The following STIM1 variants were observed in gnomAD, a reference collection of about 807,000 sequenced individuals.
The protein encoded by STIM1 is stromal interaction molecule 1.
In STIM1, 25 loss-of-function variants were observed where a neutral mutation model predicts 74.7. The ratio of observed to expected loss-of-function variants is 0.33; its 90% confidence interval spans 0.24 to 0.47. STIM1 has a LOEUF of 0.47. Among genes scored for constraint, STIM1 ranks in the 20% least tolerant of loss-of-function variants. The pLI is 1.00. For synonymous variants in STIM1, 328 were observed against 348.8 expected, an observed-to-expected ratio of 0.94 and a Z score of 0.66; for missense variants, 728 against 920.8, an observed-to-expected ratio of 0.79 and a Z score of 2.71.
chr11:3,966,285 T>A (rs1248990096), intron 1 of STIM1, among the ~76,000 whole-genome samples: 2 of 152,192 alleles, frequency 1.3e-5, no homozygotes, highest in African/African-American at 4.8e-5. Context: ...TTCTATTGAA[T>A]CACATCTGGA....
At chr11:4,081,866 TC>T (rs1465299052) in intron 7 of STIM1, among the ~76,000 whole-genome samples, 1 of 152,196 alleles carries the variant, frequency 6.6e-6, no homozygotes, top group Non-Finnish European at 1.5e-5. Flanking sequence ...GCTGACCTGT[TC>T]CTGAAGAGAT....
intron 5 of STIM1, among the ~76,000 whole-genome samples, chr11:4,064,101 A>G (rs2094349932): frequency 6.6e-6 from 1 of 152,190 alleles, no homozygotes; most frequent in African/African-American, 2.4e-5. Flanking sequence ...ATTCTGATAG[A>G]GCTGGGTATA....
chr11:3,892,935 T>C (rs1015735984), intron 1 of STIM1: 2 of 1,126,208 alleles, frequency 1.8e-6, no homozygotes, highest in African/African-American at 3.1e-5. Flanking sequence ...GCAAAGACTT[T>C]TATGTTTTAT....
In STIM1 at chr11:4,091,634, G is replaced by A. The variant is rs369549218; in HGVS notation, c.1987G>A (p.Asp663Asn). Residue 663 changes from aspartate to asparagine, a missense_variant, in exon 13 of 13, where the codon GAC (aspartate) becomes AAC (asparagine). Coordinates refer to ENST00000526596, the MANE Select transcript of STIM1 (RefSeq NM_001382567.1). ...PDPDTPSPVG[D>N]SRALQASRNT... ...CCCAGACACACCATCTCCAGTTGGG[G>A]ACAGCCGAGCCCTGCAAGCCAGCCG... 5.6e-5 allele frequency: 91 copies of A among 1,614,086 alleles called. No homozygotes were observed. Among genetic ancestry groups the A allele is most frequent in the Non-Finnish European group, 6.9e-5 (81 of 1,180,038 alleles).
intron 2 of STIM1, among the ~76,000 whole-genome samples, chr11:4,011,657 C>T (rs529056017): frequency 5.0e-4 from 76 of 152,230 alleles, no homozygotes; most frequent in Non-Finnish European, 8.1e-4. Context: ...CAAAAATTTT[C>T]TCCCATTCTA....
intron 1 of STIM1, among the ~76,000 whole-genome samples, chr11:3,872,292 A>G (rs1050983322): frequency 2.6e-5 from 4 of 151,858 alleles, no homozygotes; most frequent in African/African-American, 9.7e-5. Flanking sequence ...ACCTCAGGTG[A>G]TCTGCCCGCC....
At chr11:3,925,372 C>T (rs549849436) in intron 1 of STIM1, among the ~76,000 whole-genome samples, 7 of 152,240 alleles carry the variant, frequency 4.6e-5, no homozygotes, top group South Asian at 2.1e-4. Context: ...TCCAGCCTGG[C>T]GACAGAGTGA....
chr11:4,082,808 T>C (rs751034634), intron 8 of STIM1, 74 bp from the exon 9 acceptor site: 4 of 1,256,510 alleles, frequency 3.2e-6, no homozygotes, highest in African/African-American at 1.5e-5. Flanking sequence ...GCCCCAGCCA[T>C]AGGGGAAGGC....
chr11:3,881,951 T>C (rs7118328), intron 1 of STIM1, among the ~76,000 whole-genome samples: 137,090 of 151,856 alleles, frequency 0.9, 62,140 homozygotes, highest in East Asian at 0.95. Context: ...GGATTACAGA[T>C]GTGAGCCACG....
At chr11:3,920,134 T>G (rs2092699808) in intron 1 of STIM1, among the ~76,000 whole-genome samples, 1 of 152,132 alleles carries the variant, frequency 6.6e-6, no homozygotes, top group Admixed American at 6.6e-5. Flanking sequence ...TACAATTTTT[T>G]TTTTTTGGTA....
At chr11:3,931,851 T>C (rs1287231715) in intron 1 of STIM1, among the ~76,000 whole-genome samples, 2 of 152,172 alleles carry the variant, frequency 1.3e-5, no homozygotes, top group Non-Finnish European at 2.9e-5. Context: ...GTTCCTTTTC[T>C]ATAAGTAATA....
intron 1 of STIM1, among the ~76,000 whole-genome samples, chr11:3,954,008 C>A (rs577067297): frequency 1.3e-5 from 2 of 152,172 alleles, no homozygotes; most frequent in African/African-American, 2.4e-5. Flanking sequence ...GTCTTGAACT[C>A]CCAGGCTCAG....
At chr11:4,001,272 GA>G (rs1337373565) in intron 2 of STIM1, among the ~76,000 whole-genome samples, 14 of 151,450 alleles carry the variant, frequency 9.2e-5, no homozygotes, top group Admixed American at 9.2e-4. Flanking sequence ...GCAACTCCAA[GA>G]CACATAATTG....
At chr11:4,030,326 C>CAAAAA (rs35716064) in intron 3 of STIM1, among the ~76,000 whole-genome samples, 8 of 122,870 alleles carry the variant, frequency 6.5e-5, no homozygotes, top group Admixed American at 1.7e-4. Flanking sequence ...AACTCCATCT[C>CAAAAA]AAAAAAAAAA....
intron 10 of STIM1, 65 bp downstream of exon 10, chr11:4,083,563 C>T: frequency 4.0e-6 from 6 of 1,490,336 alleles, no homozygotes; most frequent in Non-Finnish European, 5.5e-6. Flanking sequence ...AAGTCTGTGG[C>T]CTCTGTTGTG....
intron 3 of STIM1, among the ~76,000 whole-genome samples, chr11:4,030,940 T>C (rs568969470): frequency 1.2e-4 from 19 of 152,356 alleles, no homozygotes; most frequent in Non-Finnish European, 2.1e-4. Flanking sequence ...GGTGTAAATC[T>C]CTAAAGTTTA....
chr11:4,029,773 C>T (rs968507487), intron 3 of STIM1, among the ~76,000 whole-genome samples: 1 of 152,136 alleles, frequency 6.6e-6, no homozygotes, highest in East Asian at 1.9e-4. Flanking sequence ...ATCTTACTTG[C>T]TTTAATCTTC....
At chr11:4,086,075 TTATGTA>T (rs1301031173) in intron 11 of STIM1, 1 of 184,916 alleles carries the variant, frequency 5.4e-6, no homozygotes, top group Non-Finnish European at 1.1e-5. Flanking sequence ...ATGAACATGT[TTATGTA>T]TAAGTCCTTG....
rs1193662499 is a variant in STIM1 at position 4,028,393 on chromosome 11, TTTTTTCTTTC to T, written c.385+4416_385+4425del. On this transcript the variant is annotated intron_variant, in intron 3 of 12. Transcript: ENST00000526596. Reference sequence around the variant, plus strand: ...CACTGTGCCTGGTGAATATTTCTTTTTTTTTCTTTCTTTTTCTTTTCTTTTTTTTTTTCGA... The same window carrying T: ...CACTGTGCCTGGTGAATATTTCTTTTTTTTTCTTTTCTTTTTTTTTTTCGA... 2.6e-5 allele frequency among the ~76,000 whole-genome samples: 4 copies of T among 151,274 alleles called. No individual in the cohort carries two copies. In the South Asian group the frequency reaches 6.3e-4, roughly 24 times the overall value.
Sources: gnomAD v4.1 joint callset for allele counts (sites outside exome capture counted in the v4.1 genomes callset) on GRCh38, gnomAD v4.1.1 for gene constraint, MANE v1.5 for transcripts, NCBI Gene and HGNC (gene_info 2026-07-23, HGNC 2026-07-21) for gene names.